Variants in DNAJC1 observed in about 807,000 individuals in gnomAD.
DNAJC1 encodes DnaJ heat shock protein family (Hsp40) member C1.
Under a neutral mutation model 76.6 loss-of-function variants are expected in DNAJC1, and 58 were observed. That is an observed-to-expected ratio of 0.76 (90% CI 0.61 to 0.94). The LOEUF is 0.94. Ranked by LOEUF, DNAJC1 falls within the 40% of genes least tolerant of loss-of-function variation. The probability of loss-of-function intolerance (pLI) is 0.00; values close to 1 mark genes in which losing one functional copy is unlikely to be tolerated. For missense variants in DNAJC1, 689 were observed against 677.3 expected (o/e 1.02, Z -0.19); for synonymous variants, 258 against 267.9 (o/e 0.96, Z 0.36).
chr10:21,846,338 T>C (rs1198266491), intron 8 of DNAJC1, among the ~76,000 whole-genome samples: 1 of 152,170 alleles, frequency 6.6e-6, no homozygotes, highest in Non-Finnish European at 1.5e-5. Flanking sequence ...GAAAACAATT[T>C]TGGGCTCTGC....
At chr10:21,805,862 A>G in intron 9 of DNAJC1, 118 bp downstream of exon 9, 2 of 1,338,676 alleles carry the variant, frequency 1.5e-6, no homozygotes, top group Non-Finnish European at 2.1e-6. Context: ...TTCAGGTCCT[A>G]AAAGGATTGT....
At chr10:21,794,529 A>G (rs1055878226) in intron 9 of DNAJC1, among the ~76,000 whole-genome samples, 3 of 152,094 alleles carry the variant, frequency 2.0e-5, no homozygotes, top group Non-Finnish European at 4.4e-5. Context: ...AAAAAAATGA[A>G]CTTGACCCTT....
intron 9 of DNAJC1, among the ~76,000 whole-genome samples, chr10:21,783,341 C>T (rs1297308307): frequency 6.6e-6 from 1 of 152,172 alleles, no homozygotes; most frequent in Non-Finnish European, 1.5e-5. Context: ...ATCCAACTTA[C>T]AAGGGATGTG....
chr10:21,999,644 G>C (rs1467003981), intron 1 of DNAJC1, among the ~76,000 whole-genome samples: 1 of 151,738 alleles, frequency 6.6e-6, no homozygotes, highest in Non-Finnish European at 1.5e-5. Flanking sequence ...TAGTAGAAAC[G>C]GGGTTTTACC....
At chr10:21,813,415 G>A (rs1835022432) in intron 8 of DNAJC1, among the ~76,000 whole-genome samples, 2 of 146,774 alleles carry the variant, frequency 1.4e-5, no homozygotes, top group Non-Finnish European at 3.0e-5. Context: ...TTGAGACGGA[G>A]TCTCACTCTG....
chr10:21,996,548 T>C (rs906947378), intron 1 of DNAJC1, among the ~76,000 whole-genome samples: 5 of 152,198 alleles, frequency 3.3e-5, no homozygotes, highest in African/African-American at 1.2e-4. Flanking sequence ...TTAGAATATA[T>C]TTCTAGGAAT....
chr10:21,846,178 G>A (rs1319712914), intron 8 of DNAJC1, among the ~76,000 whole-genome samples: 1 of 152,162 alleles, frequency 6.6e-6, no homozygotes, highest in Non-Finnish European at 1.5e-5. Context: ...AGGCTTAATT[G>A]AGGTAGTTTG....
chr10:21,810,723 C>T (rs1834950804), intron 8 of DNAJC1, among the ~76,000 whole-genome samples: 2 of 152,110 alleles, frequency 1.3e-5, no homozygotes, highest in East Asian at 3.9e-4. Flanking sequence ...ATCCCCACTG[C>T]CTGTCCATTT....
At chr10:21,779,889 G>C (rs1834505015) in intron 9 of DNAJC1, among the ~76,000 whole-genome samples, 1 of 152,282 alleles carries the variant, frequency 6.6e-6, no homozygotes, top group African/African-American at 2.4e-5. Context: ...CCAGTGTAGA[G>C]AAGACCTTCA....
intron 6 of DNAJC1, 64 bp from the exon 7 acceptor site, chr10:21,904,676 T>C (rs1836714457): frequency 9.4e-7 from 1 of 1,064,176 alleles, no homozygotes; most frequent in South Asian, 1.5e-5. Flanking sequence ...ATATTTTCCA[T>C]GTAACTTAAC....
At chr10:21,921,726 GCATTTTAAATCAGCTTT>G (rs1837045005) in intron 3 of DNAJC1, among the ~76,000 whole-genome samples, 1 of 151,994 alleles carries the variant, frequency 6.6e-6, no homozygotes, top group African/African-American at 2.4e-5. Flanking sequence ...AAAAGCTGAT[GCATTTTAAATCAGCTTT>G]CTTGGTACTA....
chr10:21,935,222 T>A (rs992693814), intron 1 of DNAJC1, among the ~76,000 whole-genome samples: 3 of 152,140 alleles, frequency 2.0e-5, no homozygotes, highest in African/African-American at 7.2e-5. Flanking sequence ...TTAAAGAGTA[T>A]GTTCAAAGAA....
intron 1 of DNAJC1, among the ~76,000 whole-genome samples, chr10:21,987,411 G>A (rs989684999): frequency 2.0e-5 from 3 of 152,130 alleles, no homozygotes; most frequent in African/African-American, 4.8e-5. Flanking sequence ...AAGAGAGACA[G>A]TATATACAAA....
chr10:21,912,680 T>C (rs1226318003), intron 6 of DNAJC1, among the ~76,000 whole-genome samples: 3 of 152,164 alleles, frequency 2.0e-5, no homozygotes, highest in African/African-American at 7.2e-5. Context: ...GCCTCATCCC[T>C]TGGAAAATCT....
chr10:21,784,486 G>C (rs1834577627), intron 9 of DNAJC1, among the ~76,000 whole-genome samples: 1 of 152,188 alleles, frequency 6.6e-6, no homozygotes, highest in Admixed American at 6.5e-5. Flanking sequence ...GTGGAAGTCA[G>C]TGTGGTGATT....
chr10:21,859,981 G>A (rs771831858), intron 8 of DNAJC1, among the ~76,000 whole-genome samples: 6 of 151,684 alleles, frequency 4.0e-5, no homozygotes, highest in East Asian at 3.9e-4. Flanking sequence ...ATGGGGTTTC[G>A]CAATGTTGGC....
chr10:21,835,193 C>T (rs1052372760), intron 8 of DNAJC1, among the ~76,000 whole-genome samples: 2 of 152,176 alleles, frequency 1.3e-5, no homozygotes, highest in Non-Finnish European at 1.5e-5. Context: ...CTGCAGCCAC[C>T]GCTGCTGATA....
chr10:21,864,676 A>G (rs572764389), intron 8 of DNAJC1, among the ~76,000 whole-genome samples: 4 of 152,202 alleles, frequency 2.6e-5, no homozygotes, highest in Non-Finnish European at 5.9e-5. Context: ...AGAAAATCTT[A>G]GCGACTTTGA....
intron 10 of DNAJC1, among the ~76,000 whole-genome samples, chr10:21,765,185 G>A (rs557178844): frequency 6.6e-6 from 1 of 152,244 alleles, no homozygotes; most frequent in East Asian, 1.9e-4. Context: ...ATTTCCTCTT[G>A]CTAAAGCCTG....
Sources: allele counts gnomAD v4.1 joint callset (sites outside exome capture counted in the v4.1 genomes callset), GRCh38; gene constraint gnomAD v4.1.1; transcripts MANE v1.5; gene names NCBI Gene and HGNC (gene_info 2026-07-23, HGNC 2026-07-21).